Variants in SPAG16 observed in about 807,000 individuals in gnomAD.
The protein encoded by SPAG16 is sperm-associated antigen 16 protein.
SPAG16 carries 86 observed loss-of-function variants against 80.4 expected under a neutral mutation model. The ratio of observed to expected loss-of-function variants is 1.07; its 90% CI spans 0.90 to 1.28. The LOEUF is 1.28. Ranked by LOEUF, SPAG16 falls within the 50% of genes most tolerant of loss-of-function variation. The pLI is 0.00. For synonymous variants in SPAG16, 294 were observed against 265.9 expected, an observed-to-expected ratio of 1.11 and a Z score of -1.03; for missense variants, 870 against 765.3, an observed-to-expected ratio of 1.14 and a Z score of -1.61.
intron 10 of SPAG16, among the ~76,000 whole-genome samples, chr2:213,818,999 A>T (rs1240792731): frequency 6.6e-6 from 1 of 151,584 alleles, no homozygotes; most frequent in African/African-American, 2.4e-5. Context: ...GCAGTGTGAA[A>T]CCTGACTAAG....
intron 14 of SPAG16, among the ~76,000 whole-genome samples, chr2:214,134,553 G>C (rs538946289): frequency 7.9e-5 from 12 of 152,204 alleles, no homozygotes; most frequent in Non-Finnish European, 7.4e-5. Flanking sequence ...ATCGGCACAG[G>C]CTCCATAAAT....
intron 13 of SPAG16, among the ~76,000 whole-genome samples, chr2:214,051,421 T>G (rs1323230591): frequency 6.6e-6 from 1 of 152,228 alleles, no homozygotes; most frequent in Non-Finnish European, 1.5e-5. Flanking sequence ...TGGCCAGATT[T>G]AGGGAACTTG....
intron 10 of SPAG16, among the ~76,000 whole-genome samples, chr2:213,710,138 G>T (rs1367175152): frequency 1.3e-5 from 2 of 152,068 alleles, no homozygotes; most frequent in East Asian, 1.9e-4. Flanking sequence ...CAAAAAATTA[G>T]CTGGGGGTGG....
At chr2:213,810,373 A>G (rs2072056296) in intron 10 of SPAG16, among the ~76,000 whole-genome samples, 2 of 152,118 alleles carry the variant, frequency 1.3e-5, no homozygotes, top group African/African-American at 4.8e-5. Context: ...AAATTTTGGC[A>G]AGTTTAAGTA....
At chr2:213,473,877 C>T (rs966232248) in intron 9 of SPAG16, among the ~76,000 whole-genome samples, 2 of 152,198 alleles carry the variant, frequency 1.3e-5, no homozygotes, top group East Asian at 3.8e-4. Context: ...TCTCTAGGGG[C>T]CTGCCGGGAC....
intron 3 of SPAG16, among the ~76,000 whole-genome samples, chr2:213,299,844 T>C (rs1217387856): frequency 6.6e-6 from 1 of 152,166 alleles, no homozygotes; most frequent in Non-Finnish European, 1.5e-5. Flanking sequence ...TTAAGTATTT[T>C]ACAGGTATGA....
chr2:213,374,885 A>T, intron 8 of SPAG16, 125 bp from the exon 9 acceptor site: 1 of 668,684 alleles, frequency 1.5e-6, no homozygotes. Flanking sequence ...TTTGGGTATC[A>T]ATAATTTAAT....
chr2:213,858,361 A>T (rs1268248778), intron 10 of SPAG16, among the ~76,000 whole-genome samples: 1 of 152,208 alleles, frequency 6.6e-6, no homozygotes, highest in Non-Finnish European at 1.5e-5. Flanking sequence ...CTGATTGGTC[A>T]GCAGCCATCA....
At chr2:214,142,346 CT>C (rs2055405932) in intron 14 of SPAG16, among the ~76,000 whole-genome samples, 1 of 152,076 alleles carries the variant, frequency 6.6e-6, no homozygotes, top group Admixed American at 6.5e-5. Flanking sequence ...ACTTTAAAAT[CT>C]TTTTCAGTCT....
intron 15 of SPAG16, among the ~76,000 whole-genome samples, chr2:214,372,697 T>C (rs778354525): frequency 2.0e-5 from 3 of 152,178 alleles, no homozygotes; most frequent in Non-Finnish European, 4.4e-5. Context: ...AATATGTCAT[T>C]TGACTATGTA....
chr2:213,293,133 T>C (rs2062363075), intron 1 of SPAG16, among the ~76,000 whole-genome samples: 1 of 152,194 alleles, frequency 6.6e-6, no homozygotes, highest in Admixed American at 6.5e-5. Flanking sequence ...TCTCATGGTT[T>C]TGTAAGTGTC....
At chr2:213,864,738 C>T (rs1040288578) in intron 11 of SPAG16, among the ~76,000 whole-genome samples, 22 of 152,094 alleles carry the variant, frequency 1.4e-4, no homozygotes, top group Admixed American at 6.6e-4. Flanking sequence ...ACTCTATCTT[C>T]TGCAATGATG....
chr2:213,395,399 CAT>C (rs1284506910), intron 9 of SPAG16, among the ~76,000 whole-genome samples: 1 of 152,152 alleles, frequency 6.6e-6, no homozygotes, highest in Non-Finnish European at 1.5e-5. Flanking sequence ...CTGAATCCCA[CAT>C]ATTTTGTTAT....
intron 9 of SPAG16, among the ~76,000 whole-genome samples, chr2:213,428,954 T>C (rs2070115919): frequency 6.6e-6 from 1 of 151,956 alleles, no homozygotes; most frequent in Non-Finnish European, 1.5e-5. Flanking sequence ...TAGCTGAGCA[T>C]GGTGGCAGGC....
chr2:213,861,971 T>C (rs534696504), intron 10 of SPAG16, among the ~76,000 whole-genome samples: 12 of 152,174 alleles, frequency 7.9e-5, no homozygotes, highest in African/African-American at 2.9e-4. Context: ...TTTGTGTAGA[T>C]AGTGGGCCAT....
At chr2:214,102,015 T>A (rs1413099299) in intron 13 of SPAG16, among the ~76,000 whole-genome samples, 1 of 151,824 alleles carries the variant, frequency 6.6e-6, no homozygotes, top group African/African-American at 2.4e-5. Flanking sequence ...AATAAGAAAG[T>A]GCACGCATTT....
At chr2:213,375,816 T>A (rs926070274) in intron 9 of SPAG16, among the ~76,000 whole-genome samples, 1 of 151,862 alleles carries the variant, frequency 6.6e-6, no homozygotes, top group African/African-American at 2.4e-5. Flanking sequence ...TTCTTAGTAA[T>A]TCTAGAAGAA....
chr2:213,536,151 C>A (rs2076238175), intron 10 of SPAG16, among the ~76,000 whole-genome samples: 1 of 151,998 alleles, frequency 6.6e-6, no homozygotes, highest in South Asian at 2.1e-4. Flanking sequence ...CACATTCTTT[C>A]AAGAGGATGT....
chr2:213,636,281 G>C (rs1029154277), intron 10 of SPAG16, among the ~76,000 whole-genome samples: 1 of 152,040 alleles, frequency 6.6e-6, no homozygotes, highest in Non-Finnish European at 1.5e-5. Context: ...TTTATTTGGG[G>C]GTTCTTTATT....
Sources: allele counts gnomAD v4.1 joint callset (sites outside exome capture counted in the v4.1 genomes callset), GRCh38; gene constraint gnomAD v4.1.1; transcripts MANE v1.5; gene names NCBI Gene and HGNC (gene_info 2026-07-23, HGNC 2026-07-21).